Variants in WDPCP observed in about 807,000 individuals in gnomAD.
WDPCP encodes WD repeat-containing and planar cell polarity effector protein fritz homolog.
WDPCP carries 71 observed loss-of-function variants against 93.1 expected under a neutral mutation model. The observed-to-expected ratio is 0.76, with a 90% CI of 0.63 to 0.93. The LOEUF (loss-of-function observed/expected upper bound fraction) is 0.93. WDPCP is among the 40% of genes least tolerant of loss of function. The probability of loss-of-function intolerance (pLI) is 0.00; values close to 1 mark genes in which losing one functional copy is unlikely to be tolerated. For synonymous variants in WDPCP, 315 were observed against 315.0 expected, an observed-to-expected ratio of 1.00 and a Z score of 0.00; for missense variants, 844 against 887.4, an observed-to-expected ratio of 0.95 and a Z score of 0.62.
At chr2:63,799,545 C>CT (rs1194617909) in intron 2 of WDPCP, among the ~76,000 whole-genome samples, 2 of 152,120 alleles carry the variant, frequency 1.3e-5, no homozygotes, top group African/African-American at 4.8e-5. Flanking sequence ...ACATCAGAGT[C>CT]TTTTCTCAAG....
chr2:63,686,004 T>C (rs1221635527), intron 2 of WDPCP, among the ~76,000 whole-genome samples: 1 of 152,200 alleles, frequency 6.6e-6, no homozygotes, highest in Admixed American at 6.5e-5. Context: ...ATTATCATAC[T>C]GAATGGGGTA....
At chr2:63,197,610 G>A (rs1675546444) in intron 14 of WDPCP, among the ~76,000 whole-genome samples, 1 of 152,224 alleles carries the variant, frequency 6.6e-6, no homozygotes, top group Non-Finnish European at 1.5e-5. Flanking sequence ...ATGAAGATAT[G>A]TATAAGGGTA....
intron 3 of WDPCP, chr2:63,594,382 T>C (rs1709261926): frequency 1.1e-6 from 1 of 901,810 alleles, no homozygotes; most frequent in Admixed American, 1.7e-5. Flanking sequence ...TTTAAAATTT[T>C]ACATTCACTT....
chr2:63,729,803 G>GA (rs531632496), intron 2 of WDPCP, among the ~76,000 whole-genome samples: 70 of 148,984 alleles, frequency 4.7e-4, no homozygotes, highest in Middle Eastern at 3.5e-3. Context: ...TTTATGTAGT[G>GA]AAAAAAAAAA....
At chr2:63,317,522 C>A (rs1325025937) in intron 12 of WDPCP, among the ~76,000 whole-genome samples, 1 of 151,946 alleles carries the variant, frequency 6.6e-6, no homozygotes, top group African/African-American at 2.4e-5. Context: ...TCCTACAAAG[C>A]TACAGTAAAC....
At chr2:63,189,871 T>C (rs1465068436) in intron 14 of WDPCP, among the ~76,000 whole-genome samples, 1 of 152,208 alleles carries the variant, frequency 6.6e-6, no homozygotes, top group African/African-American at 2.4e-5. Flanking sequence ...TTGTACTCTT[T>C]GCTATTCAGT....
At position 63,492,840 on chromosome 2, in the gene WDPCP, T is replaced by C; in HGVS notation, c.160+16A>G. The stretch of plus-strand genomic sequence containing the variant: ...CATATTTGAAAAATATTGAAATTAA[T>C]CCAGAGCTCATTTACCCGCAATGTG... On this transcript the variant is annotated intron_variant, in intron 2 of 17. Coordinates refer to ENST00000272321, the MANE Select transcript of WDPCP (RefSeq NM_015910.7). 6.2e-7 allele frequency: 1 copy of C among 1,611,322 alleles called. No individual in the cohort carries two copies. The highest frequency in any genetic ancestry group is 8.5e-7 in the Non-Finnish European group (1 of 1,177,758).
intron 1 of WDPCP, among the ~76,000 whole-genome samples, chr2:63,516,224 T>C (rs748378813): frequency 6.6e-6 from 1 of 152,082 alleles, no homozygotes; most frequent in Non-Finnish European, 1.5e-5. Context: ...ACATGTGATA[T>C]TGCAATACAT....
intron 1 of WDPCP, among the ~76,000 whole-genome samples, chr2:63,523,696 G>A (rs561602960): frequency 3.2e-4 from 48 of 152,300 alleles, no homozygotes; most frequent in Middle Eastern, 3.4e-3. Flanking sequence ...CGGATCATCT[G>A]AGGTCAGGAG....
intron 3 of WDPCP, chr2:63,643,513 A>T (rs370281713): frequency 4.9e-6 from 2 of 406,294 alleles, no homozygotes; most frequent in South Asian, 4.1e-5. Context: ...TACACAGGTT[A>T]CCAATGTTGA....
chr2:63,206,408 C>T (rs1051378159), intron 14 of WDPCP, among the ~76,000 whole-genome samples: 5 of 152,080 alleles, frequency 3.3e-5, no homozygotes, highest in African/African-American at 7.2e-5. Context: ...TGAAGTAATA[C>T]ACTTCTTGTT....
At chr2:63,836,771 A>T in the WDPCP span, among the ~76,000 whole-genome samples, 1 of 152,220 alleles carries the variant, frequency 6.6e-6, no homozygotes, top group African/African-American at 2.4e-5. Context: ...CCTCTGGGGA[A>T]CATGCAGAAC....
rs189817127 is a variant in WDPCP at position 63,404,220 on chromosome 2, T to G, written c.1263A>C (p.Leu421Phe). ...INIQLLAEDR[L>F]PRETLQFSKL... ...TACTGAATTGCAGAGTCTCCCTGGG[T>G]AAGCGGTCTTCAGCCAACAGTTGGA... The change falls in exon 10 of 18, where the codon TTA becomes TTC. Residue 421 changes from leucine to phenylalanine, a missense_variant. By Grantham distance (22) the Leu-to-Phe change is conservative. Coordinates refer to ENST00000272321, the MANE Select transcript of WDPCP (RefSeq NM_015910.7). 2.7e-4 allele frequency: 432 copies of G among 1,613,786 alleles called. 1 individual carries two copies. In the African/African-American group the frequency reaches 4.3e-3, roughly 16 times the overall value.
intron 6 of WDPCP, among the ~76,000 whole-genome samples, chr2:63,462,962 T>C (rs538601735): frequency 1.3e-5 from 2 of 152,154 alleles, no homozygotes; most frequent in East Asian, 1.9e-4. Context: ...ATTTATAACC[T>C]TGGAGCACAG....
At chr2:63,651,994 G>A (rs540075424) in intron 2 of WDPCP, among the ~76,000 whole-genome samples, 5 of 152,140 alleles carry the variant, frequency 3.3e-5, no homozygotes, top group Admixed American at 1.3e-4. Context: ...AATTTAAGCC[G>A]TGGCTCCATA....
intron 2 of WDPCP, among the ~76,000 whole-genome samples, chr2:63,771,761 C>T (rs1245634849): frequency 6.6e-6 from 1 of 151,868 alleles, no homozygotes; most frequent in Non-Finnish European, 1.5e-5. Context: ...CTGTGTGTAC[C>T]CAATGTTTAG....
chr2:63,176,997 C>T (rs562357340), intron 14 of WDPCP, among the ~76,000 whole-genome samples: 2 of 152,262 alleles, frequency 1.3e-5, no homozygotes, highest in South Asian at 4.1e-4. Context: ...TTCCCAGCAA[C>T]GTTTGTTGAA....
At chr2:63,728,281 A>G (rs1362483882) in intron 2 of WDPCP, among the ~76,000 whole-genome samples, 2 of 152,358 alleles carry the variant, frequency 1.3e-5, no homozygotes, top group East Asian at 3.9e-4. Context: ...TCTTTCAGAA[A>G]CTGGACCCAC....
At chr2:63,741,300 A>AGG (rs1467583178) in intron 2 of WDPCP, among the ~76,000 whole-genome samples, 1 of 151,312 alleles carries the variant, frequency 6.6e-6, no homozygotes, top group Non-Finnish European at 1.5e-5. Flanking sequence ...GGTCCCTCGG[A>AGG]CCTTCTTTGA....
Sources: allele counts gnomAD v4.1 joint callset (sites outside exome capture counted in the v4.1 genomes callset), GRCh38; gene constraint gnomAD v4.1.1; transcripts MANE v1.5; gene names NCBI Gene and HGNC (gene_info 2026-07-23, HGNC 2026-07-21).